The following ZFHX3 variants were observed in gnomAD, a reference collection of about 807,000 sequenced individuals.
ZFHX3 encodes zinc finger homeobox protein 3.
A neutral mutation model predicts 279.1 loss-of-function variants in ZFHX3; 42 were observed. That is an observed-to-expected ratio of 0.15 (90% CI 0.12 to 0.19). The LOEUF is 0.19. Among genes scored for constraint, ZFHX3 ranks in the 10% least tolerant of loss-of-function variants. ZFHX3 has a pLI of 1.00. For missense variants in ZFHX3, 4,981 were observed against 4,754.0 expected, an observed-to-expected ratio of 1.05 and a Z score of -1.40; for synonymous variants, 2,293 against 1,957.8, an observed-to-expected ratio of 1.17 and a Z score of -4.52.
chr16:73,535,090 G>A (rs929795803), intron 2 of ZFHX3, among the ~76,000 whole-genome samples: 1 of 152,122 alleles, frequency 6.6e-6, no homozygotes, highest in Admixed American at 6.5e-5. Context: ...TTTCCCTGGT[G>A]TAAATTCTCC....
At chr16:72,877,595 C>T (rs1380153431) in intron 4 of ZFHX3, among the ~76,000 whole-genome samples, 5 of 152,116 alleles carry the variant, frequency 3.3e-5, no homozygotes, top group Non-Finnish European at 7.3e-5. Flanking sequence ...AGAGACGACT[C>T]GTCCTCAAGT....
chr16:73,544,934 G>C (rs960264274), intron 2 of ZFHX3, among the ~76,000 whole-genome samples: 2 of 152,172 alleles, frequency 1.3e-5, no homozygotes, highest in African/African-American at 4.8e-5. Flanking sequence ...GTCAATGGGG[G>C]AGGACGATGA....
At chr16:73,411,310 T>C (rs4888252) in intron 3 of ZFHX3, among the ~76,000 whole-genome samples, 135,175 of 152,316 alleles carry the variant, frequency 0.89, 60,266 homozygotes, top group African/African-American at 0.97. Flanking sequence ...GAGATTTGTG[T>C]ATTATTGTTA....
At chr16:72,933,857 C>T (rs1457665671) in intron 3 of ZFHX3, among the ~76,000 whole-genome samples, 6 of 137,100 alleles carry the variant, frequency 4.4e-5, no homozygotes, top group Admixed American at 3.2e-4. Flanking sequence ...CTCGCTCTGT[C>T]GCCCAGGCTG....
At chr16:72,851,665 C>T (rs1306615811) in intron 4 of ZFHX3, among the ~76,000 whole-genome samples, 1 of 152,068 alleles carries the variant, frequency 6.6e-6, no homozygotes, top group Non-Finnish European at 1.5e-5. Context: ...AGAGATTCTC[C>T]TGCCTCAGCC....
intron 8 of ZFHX3, among the ~76,000 whole-genome samples, chr16:73,081,886 G>A (rs1339053424): frequency 6.7e-6 from 1 of 149,384 alleles, no homozygotes; most frequent in Non-Finnish European, 1.5e-5. Context: ...ACCCAAGCTG[G>A]AGTGCGGTGG....
chr16:73,736,796 G>A (rs2053613531), intron 1 of ZFHX3, among the ~76,000 whole-genome samples: 1 of 152,218 alleles, frequency 6.6e-6, no homozygotes. Context: ...TGGGAAGACA[G>A]TTGGCCATCT....
intron 7 of ZFHX3, among the ~76,000 whole-genome samples, chr16:73,124,445 T>C (rs772547553): frequency 1.4e-4 from 22 of 152,184 alleles, no homozygotes; most frequent in Non-Finnish European, 3.2e-4. Flanking sequence ...CCCCACCTCC[T>C]GATATCATCA....
intron 5 of ZFHX3, among the ~76,000 whole-genome samples, chr16:73,182,660 C>T (rs938887158): frequency 7.2e-5 from 11 of 152,130 alleles, no homozygotes; most frequent in Admixed American, 6.5e-4. Context: ...CAATGAAGAA[C>T]TGGATAAAGA....
At chr16:73,762,309 C>T (rs529770121) in intron 1 of ZFHX3, among the ~76,000 whole-genome samples, 3 of 152,058 alleles carry the variant, frequency 2.0e-5, no homozygotes, top group Admixed American at 6.5e-5. Context: ...GTCAGAATGG[C>T]GATTATTAAA....
chr16:73,285,440 AG>A (rs1256852035), intron 4 of ZFHX3, among the ~76,000 whole-genome samples: 2 of 152,240 alleles, frequency 1.3e-5, no homozygotes, highest in Non-Finnish European at 2.9e-5. Context: ...CAGCTGACAA[AG>A]GGCACAAAAT....
rs571155460 is a variant in ZFHX3 at position 73,532,606 on chromosome 16, C to T, written c.-1546-76348G>A. 1.4e-4 allele frequency among the ~76,000 whole-genome samples: 21 copies of T among 152,274 alleles called. No individual in the cohort carries two copies. In the East Asian group the frequency reaches 3.9e-3, roughly 28 times the overall value. On this transcript the variant is annotated intron_variant, in intron 2 of 17. Coordinates refer to the ZFHX3 transcript ENST00000641206. Reference sequence around the variant, plus strand: ...GAACTAAGCTGCCTGAATCTGAATCCTCACTCCCCACTTACTAGGAGTGTA... The same window carrying T: ...GAACTAAGCTGCCTGAATCTGAATCTTCACTCCCCACTTACTAGGAGTGTA...
chr16:73,027,839 T>A (rs1013362923), intron 1 of ZFHX3, among the ~76,000 whole-genome samples: 2 of 152,210 alleles, frequency 1.3e-5, no homozygotes, highest in African/African-American at 4.8e-5. Flanking sequence ...AGAACTTTGC[T>A]TATCTCTCTC....
intron 1 of ZFHX3, among the ~76,000 whole-genome samples, chr16:73,856,228 A>C (rs1213014355): frequency 6.6e-6 from 1 of 152,166 alleles, no homozygotes; most frequent in Non-Finnish European, 1.5e-5. Context: ...GTGGGATTAC[A>C]CCTTATTTTT....
At chr16:73,683,074 A>G (rs2053043957) in intron 1 of ZFHX3, among the ~76,000 whole-genome samples, 1 of 152,204 alleles carries the variant, frequency 6.6e-6, no homozygotes, top group Non-Finnish European at 1.5e-5. Flanking sequence ...AAGATAGACT[A>G]TACATCAGAT....
chr16:73,301,931 T>G (rs1310578580), intron 4 of ZFHX3, among the ~76,000 whole-genome samples: 1 of 151,994 alleles, frequency 6.6e-6, no homozygotes, highest in Non-Finnish European at 1.5e-5. Context: ...CTGTGGGTGC[T>G]GCGGCAACCA....
intron 4 of ZFHX3, among the ~76,000 whole-genome samples, chr16:72,836,309 G>A (rs1359155874): frequency 2.6e-5 from 4 of 151,776 alleles, no homozygotes; most frequent in Admixed American, 6.6e-5. Context: ...TACCTGTACC[G>A]TGACAGCCAG....
At chr16:73,342,814 C>T (rs1042327794) in intron 3 of ZFHX3, among the ~76,000 whole-genome samples, 2 of 152,070 alleles carry the variant, frequency 1.3e-5, no homozygotes, top group African/African-American at 4.8e-5. Flanking sequence ...TGCAAAAAAT[C>T]CACAGGGATG....
chr16:72,951,864 C>T (rs1265779399), intron 2 of ZFHX3, among the ~76,000 whole-genome samples: 1 of 152,206 alleles, frequency 6.6e-6, no homozygotes, highest in Non-Finnish European at 1.5e-5. Context: ...GGTAGTGCAA[C>T]TACGGAACTG....
Sources: gnomAD v4.1 joint callset for allele counts (sites outside exome capture counted in the v4.1 genomes callset) on GRCh38, gnomAD v4.1.1 for gene constraint, MANE v1.5 for transcripts, NCBI Gene and HGNC (gene_info 2026-07-23, HGNC 2026-07-21) for gene names.